SPECC1L: variants seen among roughly 807,000 people sequenced by gnomAD.
SPECC1L encodes cytospin-A.
SPECC1L carries 40 observed loss-of-function variants against 116.8 expected under a neutral mutation model. The ratio of observed to expected loss-of-function variants is 0.34; its 90% CI spans 0.27 to 0.45. The LOEUF (loss-of-function observed/expected upper bound fraction) is 0.45, where lower values mean the gene tolerates loss of function less well. Among genes scored for constraint, SPECC1L ranks in the 20% least tolerant of loss-of-function variants. The probability of loss-of-function intolerance (pLI) is 1.00; values close to 1 mark genes in which losing one functional copy is unlikely to be tolerated. For missense variants in SPECC1L, 1,110 were observed against 1,373.6 expected (o/e 0.81, Z 3.03); for synonymous variants, 504 against 500.6 (o/e 1.01, Z -0.09).
At chr22:24,285,583 A>G (rs748807567) in intron 2 of SPECC1L, among the ~76,000 whole-genome samples, 2 of 152,002 alleles carry the variant, frequency 1.3e-5, no homozygotes, top group Non-Finnish European at 2.9e-5. Context: ...CCTTCTGTGT[A>G]TCACGTGGTC....
intron 2 of SPECC1L, among the ~76,000 whole-genome samples, chr22:24,292,702 G>A (rs549162574): frequency 1.2e-4 from 19 of 152,146 alleles, no homozygotes; most frequent in African/African-American, 4.1e-4. Flanking sequence ...CCTATGTAAC[G>A]TCATCAATTA....
intron 6 of SPECC1L, among the ~76,000 whole-genome samples, chr22:24,326,338 A>T (rs2040821264): frequency 6.6e-6 from 1 of 152,018 alleles, no homozygotes; most frequent in Non-Finnish European, 1.5e-5. Flanking sequence ...TTCTGTCCTT[A>T]CTCCTCGTCT....
intron 14 of SPECC1L, among the ~76,000 whole-genome samples, chr22:24,386,372 G>A (rs890723158): frequency 9.9e-5 from 15 of 151,902 alleles, no homozygotes; most frequent in African/African-American, 3.6e-4. Context: ...TTGAGACTTG[G>A]CCTGGGCAAC....
chr22:24,350,655 A>G (rs911576137), intron 11 of SPECC1L, among the ~76,000 whole-genome samples: 1 of 152,200 alleles, frequency 6.6e-6, no homozygotes, highest in Non-Finnish European at 1.5e-5. Context: ...TGTCCTAGGC[A>G]TCTTTAAAAA....
At chr22:24,361,527 C>T (rs2041643331) in intron 11 of SPECC1L, among the ~76,000 whole-genome samples, 1 of 152,212 alleles carries the variant, frequency 6.6e-6, no homozygotes, top group Non-Finnish European at 1.5e-5. Flanking sequence ...TGGCAGGCAC[C>T]TGTAATCCCA....
At chr22:24,338,913 CT>C (rs2041117068) in intron 10 of SPECC1L, among the ~76,000 whole-genome samples, 1 of 152,192 alleles carries the variant, frequency 6.6e-6, no homozygotes, top group Non-Finnish European at 1.5e-5. Flanking sequence ...GATTCAGTGA[CT>C]TTAGTCACTA....
rs142620472 is a variant in SPECC1L at position 24,293,119 on chromosome 22, A to G, written c.-37-9076A>G. Among the ~76,000 whole-genome samples the G allele has an allele frequency of 7.0e-4, 107 of 152,274 alleles. 1 individual carries two copies. In the East Asian group the frequency reaches 0.015, roughly 21 times the overall value. ...AGAAGTGGGATGTTGCTTACTATAC[A>G]GTTTTTTCAACATTTCTGCATGTTT... On this transcript the variant is annotated intron_variant, in intron 2 of 16. Coordinates refer to ENST00000314328, the MANE Select transcript of SPECC1L (RefSeq NM_015330.6).
intron 14 of SPECC1L, among the ~76,000 whole-genome samples, chr22:24,394,769 C>G (rs1009688933): frequency 1.3e-5 from 2 of 152,204 alleles, no homozygotes; most frequent in African/African-American, 4.8e-5. Flanking sequence ...TGCCTGATAA[C>G]TAATGGTGTT....
chr22:24,363,191 T>C lies in SPECC1L; in HGVS notation c.2744-70T>C. The C allele has an allele frequency of 2.2e-6, 3 of 1,383,666 alleles. No individual in the cohort carries two copies. In the South Asian group the frequency reaches 3.5e-5, roughly 16 times the overall value. The allele number at this position is 1,383,666 out of a possible 1,614,324, so 85.7% of individuals were successfully genotyped here. On this transcript the variant is annotated intron_variant, in intron 11 of 16. Coordinates refer to ENST00000314328, the MANE Select transcript of SPECC1L (RefSeq NM_015330.6). ...AGGCTGAAAGGAGTAAAACTCACCT[T>C]CTTTGTACCTTTATTACTTTAAAGT... is the stretch of plus-strand genomic sequence containing the variant.
At chr22:24,379,390 GAA>G (rs528643869) in intron 14 of SPECC1L, among the ~76,000 whole-genome samples, 1 of 144,272 alleles carries the variant, frequency 6.9e-6, no homozygotes, top group Non-Finnish European at 1.5e-5. Flanking sequence ...CGAGAAAAAA[GAA>G]AAAAAAAAAT....
At chr22:24,327,297 A>AC (rs2040845790) in intron 6 of SPECC1L, among the ~76,000 whole-genome samples, 1 of 150,700 alleles carries the variant, frequency 6.6e-6, no homozygotes, top group Non-Finnish European at 1.5e-5. Context: ...AAAAAAAAAA[A>AC]AAAAACATCA....
intron 3 of SPECC1L, among the ~76,000 whole-genome samples, chr22:24,306,680 A>G (rs929990334): frequency 2.0e-5 from 3 of 152,128 alleles, no homozygotes; most frequent in Admixed American, 6.6e-5. Context: ...CATCTTAACA[A>G]TTTTTAAGTG....
At chr22:24,350,036 A>T (rs1601593003) in intron 11 of SPECC1L, among the ~76,000 whole-genome samples, 1 of 151,904 alleles carries the variant, frequency 6.6e-6, no homozygotes. Flanking sequence ...TTTCTTGCTC[A>T]CCCTGCCTCA....
chr22:24,280,768 G>A (rs1437261937), intron 2 of SPECC1L, among the ~76,000 whole-genome samples: 1 of 151,722 alleles, frequency 6.6e-6, no homozygotes, highest in Non-Finnish European at 1.5e-5. Context: ...TTGTAGAGGC[G>A]GCGTTTCACC....
intron 2 of SPECC1L, among the ~76,000 whole-genome samples, chr22:24,290,162 C>G (rs556719234): frequency 6.6e-6 from 1 of 152,328 alleles, no homozygotes; most frequent in South Asian, 2.1e-4. Context: ...CACCTTGAGA[C>G]TTTCTTAACT....
chr22:24,385,607 C>T (rs1384658929), intron 14 of SPECC1L, among the ~76,000 whole-genome samples: 4 of 152,072 alleles, frequency 2.6e-5, no homozygotes, highest in Non-Finnish European at 5.9e-5. Context: ...TGAGATTGTC[C>T]GTAATGATAA....
chr22:24,334,410 G>T lies in SPECC1L; in HGVS notation c.2397G>T (p.Lys799Asn), dbSNP rs201859153. 7 of 1,614,020 alleles carry T rather than the reference G, an allele frequency of 4.3e-6. No homozygotes were observed. The highest frequency in any genetic ancestry group is 1.3e-5 in the African/African-American group (1 of 75,004). ...GCTCTGATTTCAATATTATTTTCAG[G>T]CAAGAGGAGGAGCGAGGCCGGGTAT... ...TKELEEIKSR[K>N]QEEERGRVYN... Residue 799 changes from lysine (K) to asparagine (N), a missense_variant and splice_region_variant, in exon 9 of 17, where the codon AAG (lysine) becomes AAT (asparagine). Around this residue, in one of 4 missense-constraint regions of SPECC1L, gnomAD observed 575 missense variants for 682.4 expected, o/e 0.84. Transcript: ENST00000314328.
At chr22:24,329,008 A>T in intron 7 of SPECC1L, 89 bp downstream of exon 7, 1 of 999,544 alleles carries the variant, frequency 1.0e-6, no homozygotes, top group Non-Finnish European at 1.6e-6. Context: ...ATTCATCTTA[A>T]GTTTTGGATA....
intron 14 of SPECC1L, among the ~76,000 whole-genome samples, chr22:24,386,818 A>G (rs1470015176): frequency 6.6e-6 from 1 of 152,082 alleles, no homozygotes; most frequent in African/African-American, 2.4e-5. Flanking sequence ...GTTAGCCAGG[A>G]TGGTCTTAAT....
Sources: allele counts gnomAD v4.1 joint callset (sites outside exome capture counted in the v4.1 genomes callset), GRCh38; gene constraint gnomAD v4.1.1; regional missense constraint gnomAD v4.1.1; transcripts MANE v1.5; gene names NCBI Gene and HGNC (gene_info 2026-07-23, HGNC 2026-07-21).